The following NUP160 variants were observed in gnomAD, a reference collection of about 807,000 sequenced individuals.
NUP160 encodes the protein nuclear pore complex protein Nup160.
In NUP160, 94 loss-of-function variants were observed where a neutral mutation model predicts 196.9. That is an observed-to-expected ratio of 0.48 (90% confidence interval 0.40 to 0.57). The LOEUF is 0.57. Ranked by LOEUF, NUP160 falls within the 20% of genes least tolerant of loss-of-function variation. The probability of loss-of-function intolerance (pLI) is 0.00; values close to 1 mark genes in which losing one functional copy is unlikely to be tolerated. For synonymous variants in NUP160, 605 were observed against 619.7 expected (o/e 0.98, Z 0.35); for missense variants, 1,638 against 1,748.3 (o/e 0.94, Z 1.13).
intron 23 of NUP160, among the ~76,000 whole-genome samples, chr11:47,798,941 T>TAAAA: frequency 8.9e-6 from 1 of 112,028 alleles, no homozygotes; most frequent in Non-Finnish European, 1.9e-5. Context: ...TCTCTATTAT[T>TAAAA]AAAAAAAAAA....
intron 7 of NUP160, among the ~76,000 whole-genome samples, chr11:47,824,778 T>A (rs1251488039): frequency 2.0e-5 from 3 of 151,950 alleles, no homozygotes; most frequent in Non-Finnish European, 2.9e-5. Context: ...TAGCTAGTAA[T>A]GCAGGCATGT....
chr11:47,846,649 A>G (rs2135408186), intron 2 of NUP160, among the ~76,000 whole-genome samples: 1 of 152,346 alleles, frequency 6.6e-6, no homozygotes, highest in East Asian at 1.9e-4. Context: ...TTGAGCCACC[A>G]GCAACCCTTA....
intron 27 of NUP160, among the ~76,000 whole-genome samples, chr11:47,794,432 G>A (rs1364230891): frequency 6.6e-6 from 1 of 152,084 alleles, no homozygotes; most frequent in East Asian, 1.9e-4. Context: ...CCGAGATTGC[G>A]CCACTGCACT....
At chr11:47,837,759 C>T in intron 4 of NUP160, 136 bp from the exon 5 acceptor site, 3 of 635,800 alleles carry the variant, frequency 4.7e-6, no homozygotes, top group Non-Finnish European at 8.5e-6. Flanking sequence ...TAGGATGTAA[C>T]TTTCCTGCAT....
chr11:47,798,105 A>C lies in NUP160; in HGVS notation c.3087-31T>G, dbSNP rs372936584. The C allele has an allele frequency of 2.6e-6, 4 of 1,539,436 alleles. No individual in the cohort carries two copies. In the African/African-American group the frequency reaches 4.2e-5, roughly 16 times the overall value. ...AGGAAAGAAAGGAATATGAGGGCAA[A>C]CTATCTTAGTAGGTTAAACAGAGTT... On this transcript the variant is annotated intron_variant, in intron 25 of 35. Transcript: ENST00000378460.
chr11:47,806,244 G>C, exon 20 of NUP160: 1 of 1,613,536 alleles, frequency 6.2e-7, no homozygotes, highest in South Asian at 1.1e-5. Flanking sequence ...TGAGAGAAGA[G>C]GTGAGATATA....
chr11:47,779,136 G>C (rs1463018481), exon 36 of NUP160: 1 of 1,613,674 alleles, frequency 6.2e-7, no homozygotes, highest in South Asian at 1.1e-5. Flanking sequence ...TAAATCCCGT[G>C]TTGCCTTATC....
intron 13 of NUP160, among the ~76,000 whole-genome samples, chr11:47,813,932 G>A (rs1270327855): frequency 6.6e-6 from 1 of 151,862 alleles, no homozygotes; most frequent in Non-Finnish European, 1.5e-5. Flanking sequence ...TTAGCCAGGT[G>A]TGGTGGCGGG....
chr11:47,821,943 T>C, intron 8 of NUP160, 122 bp from the exon 9 acceptor site: 1 of 995,690 alleles, frequency 1.0e-6, no homozygotes, highest in East Asian at 2.5e-5. Flanking sequence ...ACCACATGAA[T>C]TTGGTAAAGT....
At chr11:47,834,075 C>T (rs191070598) in intron 7 of NUP160, among the ~76,000 whole-genome samples, 1 of 152,192 alleles carries the variant, frequency 6.6e-6, no homozygotes, top group Admixed American at 6.5e-5. Flanking sequence ...GATTACCCCC[C>T]AAAACAGTAA....
intron 7 of NUP160, among the ~76,000 whole-genome samples, chr11:47,833,312 G>A (rs1364333751): frequency 1.3e-5 from 2 of 151,876 alleles, no homozygotes; most frequent in East Asian, 1.9e-4. Flanking sequence ...AAAATTAGCC[G>A]GGTATGGTGG....
chr11:47,827,103 A>G (rs1163517815), intron 7 of NUP160: 1 of 456,222 alleles, frequency 2.2e-6, no homozygotes, highest in Non-Finnish European at 4.4e-6. Flanking sequence ...GCTGTGGTTC[A>G]CACTTGTAAT....
intron 31 of NUP160, among the ~76,000 whole-genome samples, chr11:47,786,797 C>CT (rs945543763): frequency 4.0e-5 from 6 of 151,070 alleles, no homozygotes; most frequent in African/African-American, 7.3e-5. Context: ...TTTTTCTTTT[C>CT]TTTTTTTTTG....
intron 23 of NUP160, 105 bp from the exon 24 acceptor site, chr11:47,798,568 T>A: frequency 1.5e-6 from 1 of 675,306 alleles, no homozygotes. Flanking sequence ...GCCGGCATGG[T>A]GGCTCACACC....
intron 6 of NUP160, 102 bp downstream of exon 6, chr11:47,836,785 C>A (rs938267620): frequency 1.4e-6 from 1 of 696,164 alleles, no homozygotes; most frequent in Non-Finnish European, 2.5e-6. Context: ...AAGTTCCAAA[C>A]CAATTGATCT....
chr11:47,778,120 GTTAA>G (rs745513589), exon 36 of NUP160: 2 of 137,744 alleles, frequency 1.5e-5, no homozygotes, highest in Non-Finnish European at 3.1e-5. Flanking sequence ...AACTCACATT[GTTAA>G]TTAAAGTATA....
chr11:47,792,484 A>G, intron 28 of NUP160: 1 of 291,062 alleles, frequency 3.4e-6, no homozygotes, highest in African/African-American at 2.2e-5. Context: ...TATAAAGTAG[A>G]TATTATCCGT....
intron 20 of NUP160, among the ~76,000 whole-genome samples, chr11:47,805,737 C>T (rs1223229645): frequency 2.0e-5 from 3 of 152,082 alleles, no homozygotes; most frequent in Non-Finnish European, 2.9e-5. Context: ...TGAGCCACTG[C>T]GCCTGGCCGA....
chr11:47,812,827 C>T (rs1367282428), intron 15 of NUP160, 55 bp downstream of exon 15: 29 of 1,476,164 alleles, frequency 2.0e-5, no homozygotes, highest in East Asian at 9.1e-5. Context: ...CCAACTTTGG[C>T]GCTAAAAATG....
Sources: gnomAD v4.1 joint callset for allele counts (sites outside exome capture counted in the v4.1 genomes callset) on GRCh38, gnomAD v4.1.1 for gene constraint, MANE v1.5 for transcripts, NCBI Gene and HGNC (gene_info 2026-07-23, HGNC 2026-07-21) for gene names.